The following COMMD10 variants were observed in gnomAD, a reference collection of about 807,000 sequenced individuals.
COMMD10 encodes COMM domain containing 10.
In COMMD10, 33 loss-of-function variants were observed where a neutral mutation model predicts 28.9. The observed-to-expected ratio is 1.14, with a 90% confidence interval of 0.87 to 1.53. The LOEUF (loss-of-function observed/expected upper bound fraction) is 1.53. Among genes scored for constraint, COMMD10 ranks in the 40% most tolerant of loss-of-function variants. The probability of loss-of-function intolerance (pLI) is 0.00; values close to 1 mark genes in which losing one functional copy is unlikely to be tolerated. For missense variants in COMMD10, 310 were observed against 233.4 expected, an observed-to-expected ratio of 1.33 and a Z score of -2.14; for synonymous variants, 110 against 81.7, an observed-to-expected ratio of 1.35 and a Z score of -1.87.
chr5:116,289,354 A>G (rs1276787473), intron 5 of COMMD10, among the ~76,000 whole-genome samples: 3 of 151,776 alleles, frequency 2.0e-5, no homozygotes, highest in Non-Finnish European at 2.9e-5. Flanking sequence ...GCATTTTGAA[A>G]GACAACTACC....
At chr5:116,098,871 G>A (rs945138240) in intron 4 of COMMD10, among the ~76,000 whole-genome samples, 1 of 152,170 alleles carries the variant, frequency 6.6e-6, no homozygotes, top group Admixed American at 6.5e-5. Flanking sequence ...GGTGTGCAAT[G>A]TGATGATTTG....
chr5:116,240,617 G>T (rs1749786415), intron 5 of COMMD10, among the ~76,000 whole-genome samples: 1 of 152,164 alleles, frequency 6.6e-6, no homozygotes, highest in African/African-American at 2.4e-5. Flanking sequence ...AACCTGAGAA[G>T]TTCCATTTTA....
intron 6 of COMMD10, 74 bp from the exon 7 acceptor site, chr5:116,292,375 ATG>A: frequency 2.2e-6 from 2 of 901,340 alleles, no homozygotes; most frequent in Non-Finnish European, 3.2e-6. Flanking sequence ...TTCTATTTGC[ATG>A]TGTCTGAATA....
chr5:116,194,967 A>C (rs752260100), intron 5 of COMMD10, among the ~76,000 whole-genome samples: 2 of 152,224 alleles, frequency 1.3e-5, no homozygotes, highest in Non-Finnish European at 2.9e-5. Context: ...ATAATCCACT[A>C]TGATCAAGTG....
intron 5 of COMMD10, among the ~76,000 whole-genome samples, chr5:116,222,836 T>C (rs1247561227): frequency 6.6e-6 from 1 of 151,986 alleles, no homozygotes; most frequent in African/African-American, 2.4e-5. Flanking sequence ...GGACTACAGT[T>C]ACATGCCACC....
At chr5:116,214,715 A>G (rs1304617920) in intron 5 of COMMD10, among the ~76,000 whole-genome samples, 2 of 152,110 alleles carry the variant, frequency 1.3e-5, no homozygotes, top group Non-Finnish European at 2.9e-5. Context: ...CGGTTAAATT[A>G]TGGCCTCAAT....
intron 5 of COMMD10, among the ~76,000 whole-genome samples, chr5:116,233,362 T>C (rs944827170): frequency 6.6e-6 from 1 of 152,124 alleles, no homozygotes; most frequent in Non-Finnish European, 1.5e-5. Flanking sequence ...ACATAGTATA[T>C]ATAAGGGTCA....
At chr5:116,209,931 A>G (rs531165141) in intron 5 of COMMD10, among the ~76,000 whole-genome samples, 1 of 152,306 alleles carries the variant, frequency 6.6e-6, no homozygotes, top group East Asian at 1.9e-4. Flanking sequence ...TGTAAAGAAT[A>G]GAGATTTATT....
At chr5:116,183,064 T>C (rs1201700598) in intron 5 of COMMD10, among the ~76,000 whole-genome samples, 1 of 152,128 alleles carries the variant, frequency 6.6e-6, no homozygotes, top group East Asian at 1.9e-4. Context: ...AAACCGCTTT[T>C]CTTTGCAAAT....
intron 4 of COMMD10, among the ~76,000 whole-genome samples, chr5:116,097,642 T>G (rs1750511132): frequency 6.6e-6 from 1 of 152,068 alleles, no homozygotes; most frequent in African/African-American, 2.4e-5. Context: ...TGAAATAGGG[T>G]AATTATATAA....
chr5:116,092,554 C>T lies in COMMD10; in HGVS notation c.253C>T (p.His85Tyr). 1 of 1,595,132 alleles carries T rather than the reference C, an allele frequency of 6.3e-7. No homozygotes were observed. The highest frequency in any genetic ancestry group is 8.5e-7 in the Non-Finnish European group (1 of 1,171,042). Residue 85 changes from histidine to tyrosine, a missense_variant, in exon 4 of 7, where the codon CAC becomes TAC. Coordinates refer to ENST00000274458, the MANE Select transcript of COMMD10 (RefSeq NM_016144.4). Reference sequence around the variant, plus strand: ...TGTTTCTTTTTAATAGGCAGTGTATCACAATGTGAAGCCAGCAGCTTTGCA... The same window carrying T: ...TGTTTCTTTTTAATAGGCAGTGTATTACAATGTGAAGCCAGCAGCTTTGCA... ...ISFILEQAVY[H>Y]NVKPAALQQQ...
intron 5 of COMMD10, among the ~76,000 whole-genome samples, chr5:116,225,008 C>T (rs1352105280): frequency 6.6e-6 from 1 of 152,028 alleles, no homozygotes; most frequent in Admixed American, 6.6e-5. Context: ...AATCTGTAGG[C>T]TAATCTTTAG....
intron 5 of COMMD10, among the ~76,000 whole-genome samples, chr5:116,261,237 T>C (rs72806938): frequency 4.5e-4 from 68 of 151,900 alleles, no homozygotes; most frequent in Non-Finnish European, 8.4e-4. Flanking sequence ...ATAATGTTCA[T>C]AACTGTATAT....
chr5:116,182,475 G>A (rs1187142287), intron 5 of COMMD10, among the ~76,000 whole-genome samples: 1 of 151,996 alleles, frequency 6.6e-6, no homozygotes, highest in Non-Finnish European at 1.5e-5. Context: ...GTCAGTTGAG[G>A]TGATTAAAAA....
intron 4 of COMMD10, among the ~76,000 whole-genome samples, chr5:116,128,082 TG>T (rs547222091): frequency 5.5e-4 from 84 of 152,190 alleles, no homozygotes; most frequent in African/African-American, 2.0e-3. Flanking sequence ...TTAATGCTGC[TG>T]TTTTTAGAGA....
At chr5:116,210,105 C>T (rs748418142) in intron 5 of COMMD10, among the ~76,000 whole-genome samples, 18 of 152,060 alleles carry the variant, frequency 1.2e-4, no homozygotes, top group Non-Finnish European at 1.6e-4. Flanking sequence ...TTATAACTAC[C>T]TACTTCCTTG....
chr5:116,219,058 G>C (rs1749176891), intron 5 of COMMD10, among the ~76,000 whole-genome samples: 1 of 152,086 alleles, frequency 6.6e-6, no homozygotes, highest in Non-Finnish European at 1.5e-5. Flanking sequence ...CCAGGTGTCT[G>C]CTTTAATAGA....
intron 4 of COMMD10, among the ~76,000 whole-genome samples, chr5:116,094,357 G>T (rs964631126): frequency 1.3e-5 from 2 of 152,082 alleles, no homozygotes; most frequent in African/African-American, 4.8e-5. Flanking sequence ...GTGGACAAAG[G>T]ATCTAAACAA....
chr5:116,109,579 G>A (rs1338427184), intron 4 of COMMD10, among the ~76,000 whole-genome samples: 4 of 152,202 alleles, frequency 2.6e-5, no homozygotes. Flanking sequence ...GGGCGACAGA[G>A]TGAGACTCTG....
Sources: allele counts gnomAD v4.1 joint callset (sites outside exome capture counted in the v4.1 genomes callset), GRCh38; gene constraint gnomAD v4.1.1; transcripts MANE v1.5; gene names NCBI Gene and HGNC (gene_info 2026-07-23, HGNC 2026-07-21).